CKS2: variants seen among roughly 807,000 people sequenced by gnomAD.
CKS2 encodes cyclin-dependent kinases regulatory subunit 2.
In CKS2, 4 loss-of-function variants were observed where a neutral mutation model predicts 14.3. That is an observed-to-expected ratio of 0.28 (90% CI 0.14 to 0.64). The LOEUF (loss-of-function observed/expected upper bound fraction) is 0.64, where lower values mean the gene tolerates loss of function less well. Among genes scored for constraint, CKS2 ranks in the 30% least tolerant of loss-of-function variants. The pLI, the probability that CKS2 is intolerant of heterozygous loss-of-function variation, is 0.83. For missense variants in CKS2, 71 were observed against 94.3 expected (o/e 0.75, Z 1.02); for synonymous variants, 33 against 28.7 (o/e 1.15, Z -0.48).
Position 89,312,253 on chromosome 9 carries a change from C to T in CKS2, c.59+902C>T, listed in dbSNP as rs780418490. 8.4e-5 allele frequency: 13 copies of T among 154,376 alleles called. 1 individual carries two copies. The highest frequency in any genetic ancestry group is 2.2e-4 in the African/African-American group (9 of 41,366). The allele number at this position is 154,376 out of a possible 1,614,324, so 9.6% of individuals were successfully genotyped here. ...AAATTTTAAATGTCCCTGTCCCCTT[C>T]CCCCCAATTAAAGTAGATTGGGGGA... On this transcript the variant is annotated intron_variant, in intron 1 of 2. Transcript: ENST00000314355.
intron 1 of CKS2, among the ~76,000 whole-genome samples, chr9:89,311,635 C>T (rs1824611227): frequency 2.0e-5 from 3 of 152,208 alleles, no homozygotes; most frequent in Admixed American, 1.3e-4. Flanking sequence ...GGGTAGGAAC[C>T]GGCGCAACTT....
chr9:89,314,903 T>C (rs1248485075), intron 1 of CKS2, among the ~76,000 whole-genome samples: 11 of 152,222 alleles, frequency 7.2e-5, no homozygotes, highest in Admixed American at 5.2e-4. Context: ...GTTCAACTTA[T>C]ATTTTGGGGT....
intron 1 of CKS2, among the ~76,000 whole-genome samples, chr9:89,314,037 A>T (rs1824665400): frequency 6.6e-6 from 1 of 152,206 alleles, no homozygotes; most frequent in Non-Finnish European, 1.5e-5. Flanking sequence ...GATTCAGTTT[A>T]CTGTGTCTCA....
At chr9:89,315,959 C>T (rs1214221868) in intron 2 of CKS2, among the ~76,000 whole-genome samples, 1 of 152,176 alleles carries the variant, frequency 6.6e-6, no homozygotes, top group East Asian at 1.9e-4. Context: ...ATCTTCTACT[C>T]TGCTGTTAAA....
At chr9:89,313,155 A>C (rs1302868580) in intron 1 of CKS2, among the ~76,000 whole-genome samples, 2 of 152,260 alleles carry the variant, frequency 1.3e-5, no homozygotes, top group African/African-American at 4.8e-5. Context: ...AACTAGTAAT[A>C]ATATAGCACT....
chr9:89,315,772 CAA>C (rs1190564943), intron 2 of CKS2, among the ~76,000 whole-genome samples: 1 of 152,034 alleles, frequency 6.6e-6, no homozygotes, highest in Non-Finnish European at 1.5e-5. Context: ...TGGTATTAAC[CAA>C]AAGTTTTTCA....
chr9:89,311,725 T>G (rs968287565), intron 1 of CKS2, among the ~76,000 whole-genome samples: 14 of 152,170 alleles, frequency 9.2e-5, no homozygotes, highest in Non-Finnish European at 1.8e-4. Flanking sequence ...AATTAGGCCG[T>G]TCAGTAGCTG....
Position 89,311,314 on chromosome 9 carries a change from T to G in CKS2, c.22T>G (p.Tyr8Asp). The change falls in exon 1 of 3, where the codon TAC becomes GAC. Residue 8 changes from tyrosine (Y) to aspartate (D), a missense_variant. Transcript: ENST00000314355. ...CAGGATGGCCCACAAGCAGATCTAC[T>G]ACTCGGACAAGTACTTCGACGAACA... MAHKQIY[Y>D]SDKYFDEHYE... is the part of the protein sequence containing the mutation. 6.2e-7 allele frequency: 1 copy of G among 1,610,696 alleles called. No individual in the cohort carries two copies. The highest frequency in any genetic ancestry group is 8.5e-7 in the Non-Finnish European group (1 of 1,178,728).
intron 1 of CKS2, chr9:89,312,443 A>C (rs1192092856): frequency 1.3e-5 from 2 of 154,176 alleles, no homozygotes; most frequent in African/African-American, 4.8e-5. Flanking sequence ...AGCCCATGCC[A>C]TCGTTGGCCA....
chr9:89,315,953 TCTA>T (rs1275310763), intron 2 of CKS2, among the ~76,000 whole-genome samples: 2 of 152,208 alleles, frequency 1.3e-5, no homozygotes, highest in East Asian at 3.8e-4. Flanking sequence ...AAAACTATCT[TCTA>T]CTCTGCTGTT....
At position 89,315,227 on chromosome 9, in the gene CKS2, T is replaced by C; in HGVS notation, c.117T>C (p.Ser39=). ...AAGTACCTAAAACTCATCTGATGTC[T>C]GAAGAGGAGTGGAGGAGACTTGGTG... The part of the protein sequence containing the change: ...SKQVPKTHLM[S]EEEWRRLGVQ... The change falls in exon 2 of 3, where the codon TCT becomes TCC. Residue 39 remains serine (S), a synonymous_variant. Coordinates refer to ENST00000314355, the MANE Select transcript of CKS2 (RefSeq NM_001827.3). The C allele has an allele frequency of 6.2e-7, 1 of 1,611,654 alleles. No homozygotes were observed. The highest frequency in any genetic ancestry group is 1.3e-5 in the African/African-American group (1 of 74,898).
At position 89,311,308 on chromosome 9, in the gene CKS2, A is replaced by G; in HGVS notation, c.16A>G (p.Ile6Val). 1 of 1,610,940 alleles carries G rather than the reference A, an allele frequency of 6.2e-7. No individual in the cohort carries two copies. The highest frequency in any genetic ancestry group is 8.5e-7 in the Non-Finnish European group (1 of 1,178,918). MAHKQ[I>V]YYSDKYFDEH... ...CGCCAGCAGGATGGCCCACAAGCAG[A>G]TCTACTACTCGGACAAGTACTTCGA... The change falls in exon 1 of 3, where the codon ATC (isoleucine) becomes GTC (valine). Residue 6 changes from isoleucine (I) to valine (V), a missense_variant. Ile to Val is a conservative substitution (Grantham distance 29). Transcript: ENST00000314355.
chr9:89,315,308 CTA>C lies in CKS2; in HGVS notation c.187+13_187+14del. ...TGATTCATGAGCCAGGTAAGCTATG[CTA>C]TGTTATAGTAAAGCAGTAATTGTTG... On this transcript the variant is annotated intron_variant, in intron 2 of 2. Transcript: ENST00000314355. 1 of 1,572,432 alleles carries C rather than the reference CTA, an allele frequency of 6.4e-7. No homozygotes were observed.
intron 1 of CKS2, among the ~76,000 whole-genome samples, chr9:89,313,944 C>G (rs914641605): frequency 6.6e-6 from 1 of 152,218 alleles, no homozygotes; most frequent in African/African-American, 2.4e-5. Flanking sequence ...TTCTGAGGCT[C>G]ACTTTGCCCT....
chr9:89,314,066 C>T (rs536842096), intron 1 of CKS2, among the ~76,000 whole-genome samples: 16 of 152,180 alleles, frequency 1.1e-4, no homozygotes, highest in Non-Finnish European at 1.8e-4. Context: ...CCAGATTGCA[C>T]CTCATTCATC....
intron 2 of CKS2, 136 bp downstream of exon 2, chr9:89,315,433 C>A (rs1824690655): frequency 4.9e-6 from 3 of 607,208 alleles, no homozygotes; most frequent in African/African-American, 2.0e-5. Context: ...TTTTTAATGA[C>A]TAATTTCTTG....
chr9:89,311,476 G>C, intron 1 of CKS2, 125 bp downstream of exon 1: 1 of 635,410 alleles, frequency 1.6e-6, no homozygotes, highest in Non-Finnish European at 2.5e-6. Flanking sequence ...GGGGCCGGAG[G>C]GCGAGGGCCG....
chr9:89,313,876 T>G (rs751327888), intron 1 of CKS2, among the ~76,000 whole-genome samples: 76 of 152,236 alleles, frequency 5.0e-4, no homozygotes, highest in Non-Finnish European at 9.3e-4. Context: ...CTCTACAAAT[T>G]ATGGTAGTAA....
At chr9:89,313,988 T>C (rs1824664539) in intron 1 of CKS2, among the ~76,000 whole-genome samples, 1 of 152,222 alleles carries the variant, frequency 6.6e-6, no homozygotes, top group Non-Finnish European at 1.5e-5. Context: ...CAGACTAAAA[T>C]TTAAGTTGAT....
Sources: gnomAD v4.1 joint callset for allele counts (sites outside exome capture counted in the v4.1 genomes callset) on GRCh38, gnomAD v4.1.1 for gene constraint, MANE v1.5 for transcripts, NCBI Gene and HGNC (gene_info 2026-07-23, HGNC 2026-07-21) for gene names.